The following XKR4 variants were observed in gnomAD, a reference collection of about 807,000 sequenced individuals.
XKR4 encodes XK-related protein 4.
Under a neutral mutation model 53.9 loss-of-function variants are expected in XKR4, and 12 were observed. That is an observed-to-expected ratio of 0.22 (90% confidence interval 0.14 to 0.36). XKR4 has a LOEUF of 0.36. Ranked by LOEUF, XKR4 falls within the 10% of genes least tolerant of loss-of-function variation. The probability of loss-of-function intolerance (pLI) is 1.00; values close to 1 mark genes in which losing one functional copy is unlikely to be tolerated. For missense variants in XKR4, 799 were observed against 859.5 expected, an observed-to-expected ratio of 0.93 and a Z score of 0.88; for synonymous variants, 354 against 362.4, an observed-to-expected ratio of 0.98 and a Z score of 0.26.
chr8:55,273,938 G>C (rs1160316687), intron 1 of XKR4, among the ~76,000 whole-genome samples: 1 of 152,144 alleles, frequency 6.6e-6, no homozygotes. Context: ...CCATCTAGTG[G>C]GGCTAAAAGG....
At chr8:55,195,260 G>A (rs1299716573) in intron 1 of XKR4, among the ~76,000 whole-genome samples, 1 of 133,446 alleles carries the variant, frequency 7.5e-6, no homozygotes, top group South Asian at 2.3e-4. Flanking sequence ...AAAATATAAC[G>A]TTTATGTTTT....
At chr8:55,344,472 TA>T in intron 1 of XKR4, among the ~76,000 whole-genome samples, 1 of 151,730 alleles carries the variant, frequency 6.6e-6, no homozygotes. Flanking sequence ...TTAATGTGGC[TA>T]ATAATTTCTG....
intron 2 of XKR4, among the ~76,000 whole-genome samples, chr8:55,475,430 G>T (rs532304472): frequency 6.6e-6 from 1 of 151,822 alleles, no homozygotes; most frequent in Non-Finnish European, 1.5e-5. Flanking sequence ...GCTATTTGGG[G>T]TGATGGGGGA....
chr8:55,328,987 G>T (rs184504231), intron 1 of XKR4, among the ~76,000 whole-genome samples: 2 of 152,214 alleles, frequency 1.3e-5, no homozygotes, highest in Admixed American at 1.3e-4. Flanking sequence ...TGGCACAAGG[G>T]TCCCTGATTC....
intron 1 of XKR4, among the ~76,000 whole-genome samples, chr8:55,267,089 T>C (rs1271993407): frequency 6.6e-6 from 1 of 152,196 alleles, no homozygotes; most frequent in Non-Finnish European, 1.5e-5. Context: ...TTGGAAGTTT[T>C]AGTATAACCA....
At chr8:55,385,422 C>T (rs1804293949) in intron 2 of XKR4, among the ~76,000 whole-genome samples, 1 of 152,216 alleles carries the variant, frequency 6.6e-6, no homozygotes, top group Admixed American at 6.5e-5. Flanking sequence ...GAAGCTGTCT[C>T]TGAGCCTCCG....
At chr8:55,346,860 T>A (rs919155112) in intron 1 of XKR4, among the ~76,000 whole-genome samples, 3 of 152,296 alleles carry the variant, frequency 2.0e-5, no homozygotes, top group African/African-American at 7.2e-5. Context: ...TAACAACTGA[T>A]AACAGCCAAA....
chr8:55,195,055 C>A (rs1166551683), intron 1 of XKR4, among the ~76,000 whole-genome samples: 1 of 151,918 alleles, frequency 6.6e-6, no homozygotes, highest in African/African-American at 2.4e-5. Context: ...TTTATGCGAA[C>A]AAGATTTTTT....
chr8:55,523,348 G>A lies in XKR4; in HGVS notation c.1074G>A (p.Arg358=), dbSNP rs774733517. 8 of 1,613,950 alleles carry A rather than the reference G, an allele frequency of 5.0e-6. No individual in the cohort carries two copies. The highest frequency in any genetic ancestry group is 2.2e-5 in the East Asian group (1 of 44,880). The change falls in exon 3 of 3, where the codon CGG becomes CGA. Residue 358 remains arginine (R), a synonymous_variant. Transcript: ENST00000327381. ...TGGCCTCCTACCAGAAGGCCCTCCG[G>A]GACTCTCGAGATGACAAGAAGCCCA... ...WALASYQKAL[R]DSRDDKKPIS...
intron 1 of XKR4, among the ~76,000 whole-genome samples, chr8:55,169,533 C>T (rs1157526373): frequency 9.9e-5 from 15 of 152,174 alleles, no homozygotes; most frequent in Non-Finnish European, 2.9e-5. Flanking sequence ...GGGCAAGGAC[C>T]CAGCATCTTA....
rs979830798 is a variant in XKR4 at position 55,350,337 on chromosome 8, C to T, written c.807-7341C>T. 2.0e-5 allele frequency among the ~76,000 whole-genome samples: 3 copies of T among 152,296 alleles called. No homozygotes were observed. The East Asian group carries it at 5.8e-4, about 29-fold the overall frequency. On this transcript the variant is annotated intron_variant, in intron 1 of 2. Transcript: ENST00000327381. ...ACTTCCTAAGGGCAGGACTTCCAGG[C>T]TGGTAGATGGAACCTTAATCTAGAA... is the stretch of plus-strand genomic sequence containing the variant.
At chr8:55,199,773 A>G (rs938604809) in intron 1 of XKR4, among the ~76,000 whole-genome samples, 1 of 152,230 alleles carries the variant, frequency 6.6e-6, no homozygotes, top group African/African-American at 2.4e-5. Flanking sequence ...TAGCCACATA[A>G]TAGTAGCAGC....
rs777760757 is a variant in XKR4 at position 55,523,468 on chromosome 8, G to C, written c.1194G>C (p.Gln398His). The C allele has an allele frequency of 4.3e-6, 7 of 1,614,080 alleles. No individual in the cohort carries two copies. The African/African-American group carries it at 8.0e-5, about 18-fold the overall frequency. The change falls in exon 3 of 3, where the codon CAG (glutamine) becomes CAC (histidine). Residue 398 changes from glutamine (Q) to histidine (H), a missense_variant. Transcript: ENST00000327381. The stretch of plus-strand genomic sequence containing the variant: ...TTGCCCTCTTTGCCTCGGTTTTCCA[G>C]CTGTACTTTGGGATCTTCATCGTCC... ...ITFALFASVF[Q>H]LYFGIFIVLH...
intron 1 of XKR4, among the ~76,000 whole-genome samples, chr8:55,273,737 C>G (rs181404788): frequency 6.8e-4 from 104 of 152,318 alleles, no homozygotes; most frequent in African/African-American, 1.5e-3. Context: ...GGCCTCCCCC[C>G]ACTCGCCAAG....
At chr8:55,462,656 T>A (rs550600738) in intron 2 of XKR4, among the ~76,000 whole-genome samples, 26 of 152,210 alleles carry the variant, frequency 1.7e-4, no homozygotes, top group African/African-American at 5.5e-4. Flanking sequence ...GGCTAAATGC[T>A]CCAATTAAAA....
At chr8:55,430,633 A>T (rs911852630) in intron 2 of XKR4, among the ~76,000 whole-genome samples, 3 of 152,204 alleles carry the variant, frequency 2.0e-5, no homozygotes, top group Non-Finnish European at 4.4e-5. Flanking sequence ...GTAAGAGGTC[A>T]CTATGTTAGT....
rs1249638744 is a variant in XKR4, at chr8:55,526,228, GCCA to G, written c.*2007_*2009del. ...TCACACAAAGTAGTCCAGTTCTCTA[GCCA>G]CCACCTGTAATGGGTGTGTCATCCA... On this transcript the variant is annotated 3_prime_UTR_variant, in exon 3 of 3. Coordinates refer to ENST00000327381, the MANE Select transcript of XKR4 (RefSeq NM_052898.2). The G allele has an allele frequency of 6.6e-6, 1 of 152,216 alleles. No individual in the cohort carries two copies. Among genetic ancestry groups the G allele is most frequent in the African/African-American group, 2.4e-5 (1 of 41,418 alleles). 9.4% of individuals were successfully genotyped at this position (152,216 alleles called of 1,614,324 possible).
At chr8:55,290,764 T>G (rs1210903748) in intron 1 of XKR4, among the ~76,000 whole-genome samples, 6 of 152,182 alleles carry the variant, frequency 3.9e-5, no homozygotes, top group Admixed American at 1.3e-4. Context: ...GTAAGAAAAT[T>G]TATATATTCT....
intron 2 of XKR4, among the ~76,000 whole-genome samples, chr8:55,466,271 A>G (rs1436897264): frequency 6.6e-6 from 1 of 152,146 alleles, no homozygotes; most frequent in East Asian, 1.9e-4. Context: ...GATGAAGAAA[A>G]TGTGGCACAT....
Sources: allele counts gnomAD v4.1 joint callset (sites outside exome capture counted in the v4.1 genomes callset), GRCh38; gene constraint gnomAD v4.1.1; transcripts MANE v1.5; gene names NCBI Gene and HGNC (gene_info 2026-07-23, HGNC 2026-07-21).